The following HIVEP3 variants were observed in gnomAD, a reference collection of about 807,000 sequenced individuals.
HIVEP3 encodes transcription factor HIVEP3.
A neutral mutation model predicts 152.8 loss-of-function variants in HIVEP3; 49 were observed. The observed-to-expected ratio is 0.32, with a 90% confidence interval of 0.26 to 0.41. The LOEUF is 0.41. HIVEP3 is among the 10% of genes least tolerant of loss of function. The pLI is 1.00. For synonymous variants in HIVEP3, 1,269 were observed against 1,289.0 expected, an observed-to-expected ratio of 0.98 and a Z score of 0.33; for missense variants, 2,790 against 3,103.3, an observed-to-expected ratio of 0.90 and a Z score of 2.40.
chr1:41,560,190 A>C (rs1481838605), intron 5 of HIVEP3, among the ~76,000 whole-genome samples: 1 of 152,246 alleles, frequency 6.6e-6, no homozygotes, highest in Non-Finnish European at 1.5e-5. Context: ...ATGCCATTTC[A>C]CTTAATCTGC....
intron 1 of HIVEP3, among the ~76,000 whole-genome samples, chr1:42,029,877 T>C (rs150423764): frequency 0.021 from 3,144 of 152,292 alleles, 64 homozygotes; most frequent in Non-Finnish European, 0.025. Flanking sequence ...AAATTAATCC[T>C]GTAGTTCCGG....
At chr1:41,981,393 G>A (rs1158750824) in intron 1 of HIVEP3, among the ~76,000 whole-genome samples, 1 of 152,176 alleles carries the variant, frequency 6.6e-6, no homozygotes, top group African/African-American at 2.4e-5. Context: ...CATTTATAGG[G>A]TCACATTTGG....
intron 1 of HIVEP3, among the ~76,000 whole-genome samples, chr1:42,008,369 G>A (rs1411177304): frequency 1.3e-5 from 2 of 152,224 alleles, no homozygotes; most frequent in Admixed American, 6.5e-5. Context: ...AAGAAAAAAA[G>A]AAAAGGAAAG....
intron 1 of HIVEP3, chr1:41,847,807 TCCAGTCAAAG>T (rs2124377800): frequency 6.6e-6 from 1 of 152,468 alleles, no homozygotes; most frequent in East Asian, 1.9e-4. Context: ...CTCTCACACA[TCCAGTCAAAG>T]CACCAGGAGG....
intron 5 of HIVEP3, among the ~76,000 whole-genome samples, chr1:41,528,674 C>CT (rs1643112580): frequency 8.3e-6 from 1 of 121,132 alleles, no homozygotes; most frequent in Admixed American, 7.8e-5. Context: ...CACCTTCACA[C>CT]TCACACCCCT....
chr1:41,605,410 CAT>C (rs1644809411), intron 3 of HIVEP3, among the ~76,000 whole-genome samples: 3 of 150,164 alleles, frequency 2.0e-5, no homozygotes, highest in South Asian at 2.1e-4. Context: ...CACACACATA[CAT>C]ATGTTAAAAA....
chr1:41,829,779 T>A (rs902624615), intron 1 of HIVEP3, among the ~76,000 whole-genome samples: 8 of 151,756 alleles, frequency 5.3e-5, no homozygotes, highest in Non-Finnish European at 8.8e-5. Flanking sequence ...TAAAAAAAAA[T>A]GTTGCCTTCA....
intron 1 of HIVEP3, among the ~76,000 whole-genome samples, chr1:41,716,969 G>A (rs895881473): frequency 2.6e-5 from 4 of 152,238 alleles, no homozygotes; most frequent in South Asian, 2.1e-4. Flanking sequence ...TGGAAGACGA[G>A]TATGTTTACT....
At position 41,579,980 on chromosome 1, in the gene HIVEP3, C is replaced by G. The variant is rs1644376159; in HGVS notation, c.4818G>C (p.Trp1606Cys). 1.2e-6 allele frequency: 2 copies of G among 1,614,254 alleles called. No individual in the cohort carries two copies. The highest frequency in any genetic ancestry group is 1.7e-6 in the Non-Finnish European group (2 of 1,180,046). ...PSLHTTTNVSWCYLNYIKPNH... is the reference protein window; with the variant it reads ...PSLHTTTNVSCCYLNYIKPNH... ...TTGGCTTAATGTAGTTTAAATAGCACCAACTGACATTAGTGGTTGTGTGGA... is the reference window on the plus strand; with the variant it reads ...TTGGCTTAATGTAGTTTAAATAGCAGCAACTGACATTAGTGGTTGTGTGGA... The change falls in exon 4 of 9, where the codon TGG becomes TGC. Residue 1606 changes from tryptophan to cysteine, a missense_variant. This residue lies in a region of HIVEP3 where 1,078 missense variants were observed against 1,165.3 expected (regional missense o/e 0.93). Coordinates refer to ENST00000372583, the MANE Select transcript of HIVEP3 (RefSeq NM_024503.5).
intron 1 of HIVEP3, among the ~76,000 whole-genome samples, chr1:41,805,229 C>T (rs768004534): frequency 3.3e-5 from 5 of 152,122 alleles, no homozygotes; most frequent in Non-Finnish European, 7.4e-5. Context: ...CCCAGCTACT[C>T]GGGAGACTGA....
chr1:42,034,673 G>C (rs145927038), intron 1 of HIVEP3, among the ~76,000 whole-genome samples: 1 of 152,310 alleles, frequency 6.6e-6, no homozygotes, highest in African/African-American at 2.4e-5. Context: ...TGGGAAGATA[G>C]GGAGAGAATG....
At chr1:41,774,756 T>C (rs974546880) in intron 1 of HIVEP3, among the ~76,000 whole-genome samples, 4 of 151,608 alleles carry the variant, frequency 2.6e-5, no homozygotes, top group African/African-American at 9.7e-5. Flanking sequence ...ACTTAAGTTT[T>C]CACAAGCATC....
intron 1 of HIVEP3, among the ~76,000 whole-genome samples, chr1:41,764,608 C>T (rs747746754): frequency 2.0e-5 from 3 of 152,208 alleles, no homozygotes; most frequent in Admixed American, 6.5e-5. Context: ...AAGATGAATT[C>T]GCCAAGGGCT....
intron 1 of HIVEP3, among the ~76,000 whole-genome samples, chr1:41,937,540 T>C (rs1469670403): frequency 1.3e-5 from 2 of 152,180 alleles, no homozygotes; most frequent in Non-Finnish European, 2.9e-5. Context: ...AGAAATGTGA[T>C]GTAAGTACAA....
intron 1 of HIVEP3, among the ~76,000 whole-genome samples, chr1:41,901,763 C>G (rs1644628521): frequency 6.6e-6 from 1 of 152,158 alleles, no homozygotes; most frequent in South Asian, 2.1e-4. Flanking sequence ...ACCATGCACA[C>G]AGCCCAGGAG....
chr1:41,713,752 G>C (rs1172493781), intron 1 of HIVEP3, among the ~76,000 whole-genome samples: 3 of 152,166 alleles, frequency 2.0e-5, no homozygotes, highest in East Asian at 1.9e-4. Flanking sequence ...GCCATGTTTT[G>C]ACTGCTTCTG....
intron 1 of HIVEP3, among the ~76,000 whole-genome samples, chr1:41,724,876 A>G (rs985905168): frequency 1.3e-5 from 2 of 152,244 alleles, no homozygotes; most frequent in African/African-American, 2.4e-5. Flanking sequence ...GCTGGGGCTC[A>G]GCAGAAGCCT....
intron 1 of HIVEP3, among the ~76,000 whole-genome samples, chr1:41,803,740 G>A (rs1650437689): frequency 6.6e-6 from 1 of 152,184 alleles, no homozygotes; most frequent in Non-Finnish European, 1.5e-5. Flanking sequence ...CAATCATACT[G>A]GAATGACATG....
chr1:41,758,445 C>T (rs1396287308), intron 1 of HIVEP3, among the ~76,000 whole-genome samples: 1 of 152,210 alleles, frequency 6.6e-6, no homozygotes, highest in Non-Finnish European at 1.5e-5. Flanking sequence ...TTATGCACAG[C>T]CTTCCACGCT....
Sources: gnomAD v4.1 joint callset for allele counts (sites outside exome capture counted in the v4.1 genomes callset) on GRCh38, gnomAD v4.1.1 for gene constraint, gnomAD v4.1.1 regional missense constraint, MANE v1.5 for transcripts, NCBI Gene and HGNC (gene_info 2026-07-23, HGNC 2026-07-21) for gene names.